Variants in C17orf75 observed in about 807,000 individuals in gnomAD.
The protein encoded by C17orf75 is protein Njmu-R1.
A neutral mutation model predicts 49.6 loss-of-function variants in C17orf75; 32 were observed. The ratio of observed to expected loss-of-function variants is 0.65; its 90% CI spans 0.49 to 0.87. The LOEUF is 0.87. Among genes scored for constraint, C17orf75 ranks in the 40% least tolerant of loss-of-function variants. The pLI, the probability that C17orf75 is intolerant of heterozygous loss-of-function variation, is 0.00. For missense variants in C17orf75, 428 were observed against 473.9 expected, an observed-to-expected ratio of 0.90 and a Z score of 0.90; for synonymous variants, 158 against 159.5, an observed-to-expected ratio of 0.99 and a Z score of 0.07.
In C17orf75 at chr17:32,338,194, C is replaced by A; in HGVS notation, c.491+14G>T. On this transcript the variant is annotated intron_variant, in intron 4 of 9. Coordinates refer to ENST00000577809, the MANE Select transcript of C17orf75 (RefSeq NM_022344.4). ...TTTCCTTCCTGATGTTCTCAAAAACCAAAGAAAGGATATAGCTCAAGTCCT... is the reference window on the plus strand; with the variant it reads ...TTTCCTTCCTGATGTTCTCAAAAACAAAAGAAAGGATATAGCTCAAGTCCT... The A allele has an allele frequency of 1.2e-6, 2 of 1,604,422 alleles. No individual in the cohort carries two copies. Among genetic ancestry groups the A allele is most frequent in the Non-Finnish European group, 1.7e-6 (2 of 1,177,812 alleles).
intron 1 of C17orf75, among the ~76,000 whole-genome samples, chr17:32,341,509 G>A (rs369532286): frequency 6.6e-6 from 1 of 152,170 alleles, no homozygotes; most frequent in African/African-American, 2.4e-5. Context: ...TACCCAGAAG[G>A]TTCAAGGAAA....
At position 32,332,857 on chromosome 17, in the gene C17orf75, C is replaced by T. The variant is rs9909272; in HGVS notation, c.975+560G>A. On this transcript the variant is annotated intron_variant, in intron 9 of 9. Coordinates refer to ENST00000577809, the MANE Select transcript of C17orf75 (RefSeq NM_022344.4). ...CAGAGTCTCACTCTGTCACCTAGGT[C>T]GGAGTGCAGTGGCACAATCTGGGCT... is the stretch of plus-strand genomic sequence containing the variant. 1.5e-3 allele frequency among the ~76,000 whole-genome samples: 227 copies of T among 152,092 alleles called. 1 individual carries two copies. Among genetic ancestry groups the T allele is most frequent in the African/African-American group, 5.0e-3 (209 of 41,492 alleles).
At chr17:32,341,336 G>T in intron 1 of C17orf75, 52 bp from the exon 2 acceptor site, 1 of 1,581,252 alleles carries the variant, frequency 6.3e-7, no homozygotes. Context: ...TAAACCAAGA[G>T]GAGTATGGGG....
chr17:32,338,192 A>G lies in C17orf75; in HGVS notation c.491+16T>C. On this transcript the variant is annotated intron_variant, in intron 4 of 9. Coordinates refer to ENST00000577809, the MANE Select transcript of C17orf75 (RefSeq NM_022344.4). Reference sequence around the variant, plus strand: ...GTTTTCCTTCCTGATGTTCTCAAAAACCAAAGAAAGGATATAGCTCAAGTC... The same window carrying G: ...GTTTTCCTTCCTGATGTTCTCAAAAGCCAAAGAAAGGATATAGCTCAAGTC... The G allele has an allele frequency of 6.2e-7, 1 of 1,603,432 alleles. No individual in the cohort carries two copies. Among genetic ancestry groups the G allele is most frequent in the Non-Finnish European group, 8.5e-7 (1 of 1,177,572 alleles).
rs1162938061 is a variant in C17orf75 at position 32,329,146 on chromosome 17, A to C, written c.*2617T>G. On this transcript the variant is annotated 3_prime_UTR_variant, in exon 10 of 10. Transcript: ENST00000577809. ...CAGTGGTGTGATCTCGACTCACTGC[A>C]AGCTCCGCCTCCCGGGTTCACGCCA... The C allele has an allele frequency of 6.6e-6, 1 of 150,866 alleles. No individual in the cohort carries two copies. Among genetic ancestry groups the C allele is most frequent in the Non-Finnish European group, 1.5e-5 (1 of 67,828 alleles). 9.3% of individuals were successfully genotyped at this position (150,866 alleles called of 1,614,324 possible). A position where few individuals can be genotyped will look rare whatever the true frequency, so the allele number is the denominator to read the frequency against.
chr17:32,332,828 TAGAC>T (rs2041289549), intron 9 of C17orf75, among the ~76,000 whole-genome samples: 1 of 152,044 alleles, frequency 6.6e-6, no homozygotes, highest in African/African-American at 2.4e-5. Flanking sequence ...TTTTTTTTTT[TAGAC>T]AGAGTCTCAC....
chr17:32,339,389 C>T (rs1471877365), intron 3 of C17orf75, among the ~76,000 whole-genome samples: 3 of 143,232 alleles, frequency 2.1e-5, no homozygotes, highest in Non-Finnish European at 4.5e-5. Flanking sequence ...GCCTGGGCAA[C>T]ATGGTAGGAC....
In C17orf75 at chr17:32,348,120, C is replaced by T. The variant is rs148768353; in HGVS notation, c.-7+1822G>A. Among the ~76,000 whole-genome samples the T allele has an allele frequency of 3.7e-3, 564 of 151,612 alleles. 4 individuals carry two copies. The highest frequency in any genetic ancestry group is 4.4e-3 in the Non-Finnish European group (299 of 67,876). On this transcript the variant is annotated intron_variant, in intron 1 of 8. Coordinates refer to the C17orf75 transcript ENST00000583774. ...GCAGCCTCCGCCTCCCGGGTTCAAGCGATTCTCCTGCCTCAGCCTCCGGAG... is the reference window on the plus strand; with the variant it reads ...GCAGCCTCCGCCTCCCGGGTTCAAGTGATTCTCCTGCCTCAGCCTCCGGAG...
chr17:32,333,445 C>G lies in C17orf75; in HGVS notation c.947G>C (p.Arg316Pro). 1 of 1,612,762 alleles carries G rather than the reference C, an allele frequency of 6.2e-7. No homozygotes were observed. The highest frequency in any genetic ancestry group is 8.5e-7 in the Non-Finnish European group (1 of 1,179,516). ...GAKGGNPFLF[R>P]QVLENFKLKA... Reference sequence around the variant, plus strand: ...TAGTTTAAAGTTCTCCAGTACTTGTCGGAAAAGAAAAGGGTTACCTCCTTT... The same window carrying G: ...TAGTTTAAAGTTCTCCAGTACTTGTGGGAAAAGAAAAGGGTTACCTCCTTT... Residue 316 changes from arginine to proline, a missense_variant, in exon 9 of 10, where the codon CGA (arginine) becomes CCA (proline). Transcript: ENST00000577809.
rs2041344197 is a variant in C17orf75, at chr17:32,338,210, C to T, written c.489G>A (p.Glu163=). 3.7e-6 allele frequency: 6 copies of T among 1,611,390 alleles called. No individual in the cohort carries two copies. The highest frequency in any genetic ancestry group is 5.1e-6 in the Non-Finnish European group (6 of 1,179,354). ...CFLGGSEKGL[E]LFRLELDKYI... ...CTCAAAAACCAAAGAAAGGATATAG[C>T]TCAAGTCCTTTTTCAGACCCTCCTA... The change falls in exon 4 of 10, where the codon GAG becomes GAA. Residue 163 remains glutamate (E), a splice_region_variant and synonymous_variant. Transcript: ENST00000577809.
At chr17:32,346,040 A>G (rs963891488), upstream of C17orf75, among the ~76,000 whole-genome samples, 6 of 152,178 alleles carry the variant, frequency 3.9e-5, no homozygotes, top group African/African-American at 1.4e-4. Context: ...ATTTTAAAAT[A>G]AACACGAGTT....
At chr17:32,339,516 G>A (rs1045112200) in intron 3 of C17orf75, among the ~76,000 whole-genome samples, 4 of 151,962 alleles carry the variant, frequency 2.6e-5, no homozygotes, top group Admixed American at 6.6e-5. Flanking sequence ...AAGCCCAGGA[G>A]GTCAAGGCTG....
At chr17:32,341,829 G>C (rs531496665) in intron 1 of C17orf75, 171 bp downstream of exon 1, 1 of 1,068,626 alleles carries the variant, frequency 9.4e-7, no homozygotes, top group East Asian at 7.4e-5. Flanking sequence ...AGGAAGAGCA[G>C]CGGGAGGCGA....
chr17:32,342,094 G>C lies in C17orf75; in HGVS notation c.46C>G (p.Leu16Val). 6.3e-7 allele frequency: 1 copy of C among 1,599,706 alleles called. No individual in the cohort carries two copies. Among genetic ancestry groups the C allele is most frequent in the South Asian group, 1.1e-5 (1 of 88,654 alleles). ...QESMDGDEKELESSEEGGSAE... is the reference protein window; with the variant it reads ...QESMDGDEKEVESSEEGGSAE... ...GAGCCTCCCTCTTCGCTGCTCTCTAGTTCCTTTTCATCTCCATCCATCGAC... is the reference window on the plus strand; with the variant it reads ...GAGCCTCCCTCTTCGCTGCTCTCTACTTCCTTTTCATCTCCATCCATCGAC... Residue 16 changes from leucine to valine, a missense_variant, in exon 1 of 10, where the codon CTA (leucine) becomes GTA (valine). Transcript: ENST00000577809.
chr17:32,344,497 GT>G (rs549591275), upstream of C17orf75, among the ~76,000 whole-genome samples: 261 of 151,508 alleles, frequency 1.7e-3, 2 homozygotes, highest in African/African-American at 6.1e-3. Context: ...GGCACCTGTA[GT>G]CCCAGCTAGT....
At chr17:32,333,282 T>G in intron 9 of C17orf75, 135 bp downstream of exon 9, 1 of 653,100 alleles carries the variant, frequency 1.5e-6, no homozygotes, top group South Asian at 2.1e-5. Flanking sequence ...AAATGTCTTC[T>G]GATAATTCCA....
chr17:32,339,057 C>T (rs2041353322), intron 3 of C17orf75, among the ~76,000 whole-genome samples: 1 of 151,960 alleles, frequency 6.6e-6, no homozygotes, highest in Non-Finnish European at 1.5e-5. Context: ...TGCTACTGTA[C>T]TCCAGTCTGG....
intron 1 of C17orf75, chr17:32,349,884 T>C: frequency 9.6e-7 from 1 of 1,042,952 alleles, no homozygotes; most frequent in Non-Finnish European, 1.2e-6. Context: ...CTAACTGCAC[T>C]GGCAATCTTT....
intron 9 of C17orf75, 102 bp downstream of exon 9, chr17:32,333,313 AAC>A: frequency 2.5e-6 from 2 of 785,562 alleles, no homozygotes; most frequent in South Asian, 3.4e-5. Flanking sequence ...CATCCTAATT[AAC>A]AGACATCACA....
Sources: allele counts gnomAD v4.1 joint callset (sites outside exome capture counted in the v4.1 genomes callset), GRCh38; gene constraint gnomAD v4.1.1; transcripts MANE v1.5; gene names NCBI Gene and HGNC (gene_info 2026-07-23, HGNC 2026-07-21).